TENM3: variants seen among roughly 807,000 people sequenced by gnomAD.
The protein encoded by TENM3 is teneurin-3.
Under a neutral mutation model 255.1 loss-of-function variants are expected in TENM3, and 63 were observed. The observed-to-expected ratio is 0.25, with a 90% CI of 0.20 to 0.30. The LOEUF (loss-of-function observed/expected upper bound fraction) is 0.30, where lower values mean the gene tolerates loss of function less well. Ranked by LOEUF, TENM3 falls within the 10% of genes least tolerant of loss-of-function variation. TENM3 has a pLI of 1.00. For synonymous variants in TENM3, 1,306 were observed against 1,322.3 expected (o/e 0.99, Z 0.27); for missense variants, 2,929 against 3,461.1 (o/e 0.85, Z 3.86).
chr4:182,328,687 G>A (rs925074569), intron 2 of TENM3, among the ~76,000 whole-genome samples: 4 of 152,112 alleles, frequency 2.6e-5, no homozygotes, highest in Admixed American at 1.3e-4. Context: ...TGCTGACAGC[G>A]TGGCTCCACT....
the TENM3 span, among the ~76,000 whole-genome samples, chr4:181,722,393 A>G: frequency 2.0e-5 from 3 of 152,218 alleles, no homozygotes; most frequent in Non-Finnish European, 4.4e-5. Flanking sequence ...CCTGTGGAGT[A>G]TATGGATAGA....
At chr4:182,140,435 G>A (rs1368090404), upstream of TENM3, among the ~76,000 whole-genome samples, 2 of 152,106 alleles carry the variant, frequency 1.3e-5, no homozygotes, top group Non-Finnish European at 2.9e-5. Context: ...TTTCTACCCC[G>A]TTCCTCATCG....
At chr4:181,679,309 T>C in the TENM3 span, among the ~76,000 whole-genome samples, 1 of 152,296 alleles carries the variant, frequency 6.6e-6, no homozygotes, top group African/African-American at 2.4e-5. Context: ...GTGAGTCTGC[T>C]GTGATTCCGG....
rs185791737 is a variant in TENM3 at position 182,187,759 on chromosome 4, T to A, written c.-76+43005T>A. ...TGAGAGAACATACTAACACATTTTT[T>A]AATATAATTATATGAAAAAGACATT... On this transcript the variant is annotated intron_variant, in intron 1 of 2. Transcript: ENST00000512480. Among the ~76,000 whole-genome samples the A allele has an allele frequency of 6.0e-3, 912 of 152,310 alleles. 11 individuals are homozygous for A. Among genetic ancestry groups the A allele is most frequent in the African/African-American group, 0.02 (831 of 41,570 alleles).
chr4:182,527,701 A>C (rs1465655963), intron 3 of TENM3, among the ~76,000 whole-genome samples: 1 of 151,586 alleles, frequency 6.6e-6, no homozygotes, highest in Non-Finnish European at 1.5e-5. Context: ...AGTTAAGTCA[A>C]AGTTTGTTTT....
At position 182,542,320 on chromosome 4, in the gene TENM3, C is replaced by T. The variant is rs144099997; in HGVS notation, c.512-58604C>T. Among the ~76,000 whole-genome samples the T allele has an allele frequency of 2.6e-5, 4 of 152,208 alleles. No homozygotes were observed. The East Asian group carries it at 5.8e-4, about 22-fold the overall frequency. On this transcript the variant is annotated intron_variant, in intron 3 of 27. Transcript: ENST00000511685. The stretch of plus-strand genomic sequence containing the variant: ...GGCTCTAGGGGAACTCTTTAGCAGA[C>T]GATTTTCCTTTGTTTCTGCCAAGTA...
the TENM3 span, among the ~76,000 whole-genome samples, chr4:181,884,375 A>ACAAGG: frequency 6.6e-6 from 1 of 152,062 alleles, no homozygotes; most frequent in African/African-American, 2.4e-5. Flanking sequence ...AAGTATATTC[A>ACAAGG]CAAGGTTGTG....
At chr4:182,269,402 A>G (rs1259408062) in intron 1 of TENM3, among the ~76,000 whole-genome samples, 2 of 152,226 alleles carry the variant, frequency 1.3e-5, no homozygotes, top group African/African-American at 4.8e-5. Context: ...AGAGTACTGG[A>G]CAGTTGGCCA....
the TENM3 span, among the ~76,000 whole-genome samples, chr4:181,682,811 G>T: frequency 0.015 from 2,214 of 152,184 alleles, 49 homozygotes; most frequent in African/African-American, 0.051. Context: ...GCTGAGGTGG[G>T]TAAAGGGAGA....
At chr4:182,074,633 G>A in the TENM3 span, among the ~76,000 whole-genome samples, 1 of 152,178 alleles carries the variant, frequency 6.6e-6, no homozygotes, top group Non-Finnish European at 1.5e-5. Flanking sequence ...ACAAGATTAA[G>A]AAATGAGGCG....
At chr4:181,590,160 T>C in the TENM3 span, among the ~76,000 whole-genome samples, 1 of 152,286 alleles carries the variant, frequency 6.6e-6, no homozygotes, top group South Asian at 2.1e-4. Context: ...CTTTCACAAT[T>C]GTTGACCAAG....
chr4:182,391,376 G>A (rs1237634292), intron 3 of TENM3, among the ~76,000 whole-genome samples: 4 of 152,098 alleles, frequency 2.6e-5, no homozygotes, highest in Admixed American at 6.5e-5. Context: ...ATTCTAGTAC[G>A]ACTTGTTCCA....
At chr4:182,554,014 C>T (rs1378141223) in intron 3 of TENM3, among the ~76,000 whole-genome samples, 3 of 152,110 alleles carry the variant, frequency 2.0e-5, no homozygotes, top group Non-Finnish European at 4.4e-5. Flanking sequence ...TTCATGAAAA[C>T]CTTCTGTGCT....
chr4:182,263,639 A>C (rs1174465853), intron 1 of TENM3, among the ~76,000 whole-genome samples: 3 of 151,982 alleles, frequency 2.0e-5, no homozygotes, highest in Non-Finnish European at 4.4e-5. Context: ...TAAACTTTTC[A>C]GTGTTCCTGC....
the TENM3 span, among the ~76,000 whole-genome samples, chr4:181,827,597 T>C: frequency 6.6e-6 from 1 of 152,354 alleles, no homozygotes; most frequent in East Asian, 1.9e-4. Context: ...TCTGAAGCTC[T>C]TGCCTCCCTG....
intron 1 of TENM3, among the ~76,000 whole-genome samples, chr4:182,296,129 A>G (rs1013195260): frequency 1.3e-5 from 2 of 151,900 alleles, no homozygotes; most frequent in East Asian, 3.9e-4. Flanking sequence ...GTGCCTGGCT[A>G]ATTTTGTATG....
At chr4:181,996,300 A>T in the TENM3 span, among the ~76,000 whole-genome samples, 2 of 152,162 alleles carry the variant, frequency 1.3e-5, no homozygotes, top group Non-Finnish European at 2.9e-5. Context: ...GAGACAGTAC[A>T]GAAGGGGACA....
chr4:181,701,763 G>A, the TENM3 span, among the ~76,000 whole-genome samples: 1 of 152,162 alleles, frequency 6.6e-6, no homozygotes. Flanking sequence ...GTAAATCAAC[G>A]GAGCTTTCCA....
intron 27 of TENM3, 32 bp downstream of exon 27, chr4:182,796,799 TA>T: frequency 6.4e-7 from 1 of 1,567,672 alleles, no homozygotes; most frequent in Non-Finnish European, 8.7e-7. Context: ...GGAAAGGTGA[TA>T]AGTAGCTTGT....
Sources: allele counts gnomAD v4.1 joint callset (sites outside exome capture counted in the v4.1 genomes callset), GRCh38; gene constraint gnomAD v4.1.1; transcripts MANE v1.5; gene names NCBI Gene and HGNC (gene_info 2026-07-23, HGNC 2026-07-21).